TGM2: variants seen among roughly 807,000 people sequenced by gnomAD.
TGM2 encodes transglutaminase 2, also known as protein-glutamine gamma-glutamyltransferase 2.
A neutral mutation model predicts 75.6 loss-of-function variants in TGM2; 53 were observed. That is an observed-to-expected ratio of 0.70 (90% CI 0.56 to 0.88). The LOEUF (loss-of-function observed/expected upper bound fraction) is 0.88. Among genes scored for constraint, TGM2 ranks in the 40% least tolerant of loss-of-function variants. The pLI, the probability that TGM2 is intolerant of heterozygous loss-of-function variation, is 0.00. For synonymous variants in TGM2, 374 were observed against 381.1 expected (o/e 0.98, Z 0.22); for missense variants, 842 against 928.5 (o/e 0.91, Z 1.21).
chr20:38,154,728 C>T (rs373426201), intron 3 of TGM2, among the ~76,000 whole-genome samples: 7 of 152,274 alleles, frequency 4.6e-5, no homozygotes, highest in South Asian at 2.1e-4. Flanking sequence ...ACTGCTCCTA[C>T]TCACCCCCCT....
rs1472974077 is a variant in TGM2, at chr20:38,146,822, T to C, written c.754A>G (p.Met252Val). The change falls in exon 6 of 13, where the codon ATG becomes GTG. Residue 252 changes from methionine to valine, a missense_variant. Met to Val is a conservative substitution (Grantham distance 21, BLOSUM62 1). Coordinates refer to ENST00000361475, the MANE Select transcript of TGM2 (RefSeq NM_004613.4). ...ATGTCCACGCTGCCGATCCAGGACA[T>C]GGGGCTGACGCCGTCCCCGTAGTTG... ...DNNYGDGVSP[M>V]SWIGSVDILR... 6.2e-7 allele frequency: 1 copy of C among 1,614,008 alleles called. No homozygotes were observed. Among genetic ancestry groups the C allele is most frequent in the Non-Finnish European group, 8.5e-7 (1 of 1,180,040 alleles).
At chr20:38,137,901 GA>G in intron 10 of TGM2, 1 of 1,183,578 alleles carries the variant, frequency 8.4e-7, no homozygotes, top group Non-Finnish European at 1.1e-6. Context: ...TACTCATCTG[GA>G]AAACGGAGCC....
intron 12 of TGM2, among the ~76,000 whole-genome samples, chr20:38,130,836 G>A (rs2074819985): frequency 6.6e-6 from 1 of 152,222 alleles, no homozygotes; most frequent in Non-Finnish European, 1.5e-5. Context: ...GGATGCACGT[G>A]TCTGCAGGTG....
intron 2 of TGM2, among the ~76,000 whole-genome samples, chr20:38,157,569 C>T (rs1276969401): frequency 2.6e-5 from 4 of 152,218 alleles, no homozygotes; most frequent in Admixed American, 6.5e-5. Context: ...CTCTGAACTT[C>T]GACAAGTTAC....
chr20:38,154,064 T>G (rs1339732943), intron 3 of TGM2, among the ~76,000 whole-genome samples: 1 of 152,180 alleles, frequency 6.6e-6, no homozygotes, highest in Non-Finnish European at 1.5e-5. Flanking sequence ...GTGATCCCCC[T>G]GCCTCAGCCT....
At chr20:38,142,004 G>C (rs943056473) in intron 7 of TGM2, 60 bp downstream of exon 7, 1 of 1,606,478 alleles carries the variant, frequency 6.2e-7, no homozygotes, top group Non-Finnish European at 8.5e-7. Flanking sequence ...GCCCTCCAAG[G>C]TTTCCTCTCC....
chr20:38,146,493 C>T (rs973580184), intron 6 of TGM2: 1 of 661,672 alleles, frequency 1.5e-6, no homozygotes, highest in Non-Finnish European at 2.7e-6. Flanking sequence ...CAGCCCTGAG[C>T]CCATGCAGTC....
Position 38,141,243 on chromosome 20 carries a change from T to G in TGM2, c.1099+39A>C, listed in dbSNP as rs200941272. ...TCACTTTAACTCTCCAAGCCTCGTC[T>G]TCCCCATCTGTTTGACGCGACAGTG... On this transcript the variant is annotated intron_variant, in intron 8 of 12. Coordinates refer to ENST00000361475, the MANE Select transcript of TGM2 (RefSeq NM_004613.4). 2.7e-6 allele frequency: 4 copies of G among 1,506,452 alleles called. No individual in the cohort carries two copies. The East Asian group carries it at 9.8e-5, about 37-fold the overall frequency. 93.3% of individuals were successfully genotyped at this position (1,506,452 alleles called of 1,614,324 possible).
At chr20:38,153,250 C>T (rs891050681) in intron 3 of TGM2, among the ~76,000 whole-genome samples, 1 of 152,118 alleles carries the variant, frequency 6.6e-6, no homozygotes, top group African/African-American at 2.4e-5. Context: ...TGTGGCCGGG[C>T]GTGGTGGCTC....
chr20:38,148,255 C>T (rs1346563983), intron 4 of TGM2, among the ~76,000 whole-genome samples, 166 bp from the exon 5 acceptor site: 1 of 152,202 alleles, frequency 6.6e-6, no homozygotes, highest in Non-Finnish European at 1.5e-5. Flanking sequence ...TCTCTTGGCA[C>T]AGGAGGGAAT....
chr20:38,141,217 G>A, intron 8 of TGM2, 65 bp downstream of exon 8: 1 of 1,376,272 alleles, frequency 7.3e-7, no homozygotes, highest in East Asian at 2.5e-5. Flanking sequence ...CTCCAGCTGA[G>A]TCACTTTAAC....
chr20:38,134,114 C>T (rs1339439968), intron 10 of TGM2, among the ~76,000 whole-genome samples: 1 of 152,104 alleles, frequency 6.6e-6, no homozygotes, highest in Non-Finnish European at 1.5e-5. Flanking sequence ...ACCAGAAGGA[C>T]GGATTGAGAC....
chr20:38,142,948 G>T (rs1439960993), intron 6 of TGM2, among the ~76,000 whole-genome samples: 1 of 152,250 alleles, frequency 6.6e-6, no homozygotes, highest in African/African-American at 2.4e-5. Flanking sequence ...CTGCCTGCCA[G>T]GTTCAGGTTG....
At position 38,129,240 on chromosome 20, in the gene TGM2, C is replaced by T. The variant is rs2074798060; in HGVS notation, c.*979G>A. On this transcript the variant is annotated 3_prime_UTR_variant, in exon 13 of 13. Transcript: ENST00000361475. ...ATCACTCCTCTGACCAACAAGGAAA[C>T]AAAGGCCCAGAGAGGAGAAGGCAGT... 1 of 152,298 alleles carries T rather than the reference C, an allele frequency of 6.6e-6. No individual in the cohort carries two copies. Among genetic ancestry groups the T allele is most frequent in the East Asian group, 1.9e-4 (1 of 5,198 alleles). 9.4% of individuals were successfully genotyped at this position (152,298 alleles called of 1,614,324 possible). A position where few individuals can be genotyped will look rare whatever the true frequency, so the allele number is the denominator to read the frequency against.
rs537512823 is a variant in TGM2 at position 38,139,467 on chromosome 20, C to G, written c.1287G>C (p.Lys429Asn). ...CCTCCCGCTCGTCTCGGCCCACGCT[C>G]TTAGTGCTGATCTTCAGCCCAACGA... ...SLIVGLKISTKSVGRDEREDI... is the reference protein window; with the variant it reads ...SLIVGLKISTNSVGRDEREDI... Residue 429 changes from lysine (K) to asparagine (N), a missense_variant, in exon 9 of 13, where the codon AAG (lysine) becomes AAC (asparagine). By Grantham distance (94) the Lys-to-Asn change is moderately conservative. Coordinates refer to ENST00000361475, the MANE Select transcript of TGM2 (RefSeq NM_004613.4). 6.2e-7 allele frequency: 1 copy of G among 1,614,102 alleles called. No homozygotes were observed. The highest frequency in any genetic ancestry group is 8.5e-7 in the Non-Finnish European group (1 of 1,180,058).
Position 38,151,121 on chromosome 20 carries a change from T to C in TGM2, c.434-64A>G, listed in dbSNP as rs1473383850. 3.8e-5 allele frequency: 49 copies of C among 1,292,494 alleles called. No individual in the cohort carries two copies. The Admixed American group carries it at 8.2e-4, about 22-fold the overall frequency. 80.1% of individuals were successfully genotyped at this position (1,292,494 alleles called of 1,614,324 possible). A position where few individuals can be genotyped will look rare whatever the true frequency, so the allele number is the denominator to read the frequency against. On this transcript the variant is annotated intron_variant, in intron 3 of 12. Coordinates refer to ENST00000361475, the MANE Select transcript of TGM2 (RefSeq NM_004613.4). The stretch of plus-strand genomic sequence containing the variant: ...CGGAGGCCCAGGGTCCCTGCAAATC[T>C]GGAGTCAAGGGTGCCAATTCCCTAG...
intron 11 of TGM2, among the ~76,000 whole-genome samples, chr20:38,131,829 G>A (rs1199741279): frequency 1.3e-5 from 2 of 152,134 alleles, no homozygotes; most frequent in Non-Finnish European, 2.9e-5. Flanking sequence ...CCCTTATCAT[G>A]TGCTGAGGAT....
In TGM2 at chr20:38,138,296, G is replaced by T; in HGVS notation, c.1432C>A (p.Arg478Ser). 1 of 1,614,168 alleles carries T rather than the reference G, an allele frequency of 6.2e-7. No individual in the cohort carries two copies. The highest frequency in any genetic ancestry group is 8.5e-7 in the Non-Finnish European group (1 of 1,180,028). The change falls in exon 10 of 13, where the codon CGT becomes AGT. Residue 478 changes from arginine to serine, a missense_variant. Physicochemically the swap from Arg to Ser is moderately radical, Grantham distance 110. Coordinates refer to ENST00000361475, the MANE Select transcript of TGM2 (RefSeq NM_004613.4). ...KEETGMAMRI[R>S]VGQSMNMGSD... ...CCCATGTTCATGCTCTGGCCCACAC[G>T]GATCCGCATGGCCATCCCTGTCTCC...
upstream of TGM2, among the ~76,000 whole-genome samples, chr20:38,165,723 C>T (rs1360896626): frequency 1.3e-5 from 2 of 151,560 alleles, no homozygotes; most frequent in African/African-American, 4.9e-5. Flanking sequence ...CACACATACT[C>T]AGATATACAT....
Sources: allele counts gnomAD v4.1 joint callset (sites outside exome capture counted in the v4.1 genomes callset), GRCh38; gene constraint gnomAD v4.1.1; transcripts MANE v1.5; gene names NCBI Gene and HGNC (gene_info 2026-07-23, HGNC 2026-07-21).